Variants in AHI1 observed in about 807,000 individuals in gnomAD.
AHI1 encodes the protein Abelson helper integration site 1, also known as jouberin.
AHI1 carries 123 observed loss-of-function variants against 149.3 expected under a neutral mutation model. That is an observed-to-expected ratio of 0.82 (90% CI 0.71 to 0.96). The LOEUF is 0.96. Among genes scored for constraint, AHI1 ranks in the 40% least tolerant of loss-of-function variants. The probability of loss-of-function intolerance (pLI) is 0.00; values close to 1 mark genes in which losing one functional copy is unlikely to be tolerated. For missense variants in AHI1, 1,439 were observed against 1,422.7 expected, an observed-to-expected ratio of 1.01 and a Z score of -0.18; for synonymous variants, 475 against 459.8, an observed-to-expected ratio of 1.03 and a Z score of -0.42.
chr6:135,447,136 TCATAGAGC>T lies in AHI1; in HGVS notation c.1643_1650del (p.Arg548HisfsTer9). On this transcript the variant is annotated frameshift_variant, in exon 13 of 29. Transcript: ENST00000265602. LOFTEE classifies it high-confidence loss of function. ...TTACCTTTTTCCTCCTGAAGAGCCA[TCATAGAGC>T]GGTAAGATGGCTTTATCTAAATATG... 1 of 1,591,058 alleles carries T rather than the reference TCATAGAGC, an allele frequency of 6.3e-7. No homozygotes were observed. Among genetic ancestry groups the T allele is most frequent in the South Asian group, 1.2e-5 (1 of 84,878 alleles).
At chr6:135,396,839 A>C (rs1214994334) in intron 22 of AHI1, among the ~76,000 whole-genome samples, 3 of 151,728 alleles carry the variant, frequency 2.0e-5, no homozygotes, top group Non-Finnish European at 3.0e-5. Flanking sequence ...ACATATATCC[A>C]TATCTATAGA....
chr6:135,324,146 C>A (rs1467743235), intron 24 of AHI1, among the ~76,000 whole-genome samples: 2 of 152,006 alleles, frequency 1.3e-5, no homozygotes, highest in Non-Finnish European at 2.9e-5. Flanking sequence ...AAAGCCAGAC[C>A]TCCATCTCTA....
At chr6:135,489,895 C>CA (rs879147569) in intron 5 of AHI1, 19,580 of 143,010 alleles carry the variant, frequency 0.14, 13 homozygotes, top group Middle Eastern at 0.2. Flanking sequence ...AAACTCCTGC[C>CA]AAAAAAAAAA....
At chr6:135,363,494 C>T (rs1794256039) in intron 23 of AHI1, among the ~76,000 whole-genome samples, 1 of 152,200 alleles carries the variant, frequency 6.6e-6, no homozygotes, top group South Asian at 2.1e-4. Flanking sequence ...ATCTTTTCCC[C>T]ACCTTTCCCC....
At chr6:135,389,063 C>T (rs149306192) in intron 23 of AHI1, among the ~76,000 whole-genome samples, 22 of 151,962 alleles carry the variant, frequency 1.4e-4, no homozygotes, top group African/African-American at 5.1e-4. Flanking sequence ...GTAATCCCAG[C>T]ACTTTGGGAG....
chr6:135,408,278 C>T (rs1781088417), intron 21 of AHI1, among the ~76,000 whole-genome samples: 1 of 152,040 alleles, frequency 6.6e-6, no homozygotes, highest in African/African-American at 2.4e-5. Context: ...CTTTGCCATG[C>T]AAGTTTTTAG....
At chr6:135,378,799 T>C (rs987969475) in intron 23 of AHI1, among the ~76,000 whole-genome samples, 2 of 152,234 alleles carry the variant, frequency 1.3e-5, no homozygotes, top group African/African-American at 4.8e-5. Context: ...GTTATTACAA[T>C]GCAGAGTTAA....
rs373679700 is a variant in AHI1, at chr6:135,364,377, A to G, written c.3110-6190T>C. ...CTCCTCACTTCCTAGATGGGATGGC[A>G]GCCGGGCAGAGACGCTCCTCACTTT... On this transcript the variant is annotated intron_variant, in intron 23 of 28. Coordinates refer to ENST00000265602, the MANE Select transcript of AHI1 (RefSeq NM_001134831.2). 3.5e-4 allele frequency among the ~76,000 whole-genome samples: 50 copies of G among 144,546 alleles called. 1 individual carries two copies. Among genetic ancestry groups the G allele is most frequent in the African/African-American group, 1.2e-3 (48 of 38,432 alleles). 94.8% of individuals were successfully genotyped at this position (144,546 alleles called of 152,430 possible).
intron 24 of AHI1, among the ~76,000 whole-genome samples, chr6:135,340,096 G>T (rs899947349): frequency 6.6e-6 from 1 of 152,222 alleles, no homozygotes; most frequent in African/African-American, 2.4e-5. Context: ...AAGGGGCCAG[G>T]TGCCGTGGCT....
At chr6:135,471,751 G>A (rs919960681) in intron 5 of AHI1, among the ~76,000 whole-genome samples, 4 of 150,832 alleles carry the variant, frequency 2.7e-5, no homozygotes, top group Non-Finnish European at 5.9e-5. Context: ...GGTGGCTCAC[G>A]CCTGTAATCC....
intron 26 of AHI1, among the ~76,000 whole-genome samples, chr6:135,310,466 C>T (rs996178510): frequency 6.6e-6 from 1 of 152,092 alleles, no homozygotes; most frequent in African/African-American, 2.4e-5. Flanking sequence ...GTTCTCTGTT[C>T]TTGTTTTGAA....
intron 21 of AHI1, among the ~76,000 whole-genome samples, chr6:135,405,508 A>G (rs554653536): frequency 6.6e-6 from 1 of 152,272 alleles, no homozygotes; most frequent in Admixed American, 6.5e-5. Flanking sequence ...AAGAGAAACT[A>G]GTAAAAGTCG....
In AHI1 at chr6:135,285,564, T is replaced by C. The variant is rs1280704542; in HGVS notation, c.*81A>G. On this transcript the variant is annotated 3_prime_UTR_variant, in exon 29 of 29. Coordinates refer to ENST00000265602, the MANE Select transcript of AHI1 (RefSeq NM_001134831.2). ...CTTCCTCCTTAGTATCTGAAAATTC[T>C]GAACTCTGAAGAGAAATTCCATTTG... is the stretch of plus-strand genomic sequence containing the variant. 2.1e-6 allele frequency: 3 copies of C among 1,443,138 alleles called. No homozygotes were observed. In the African/African-American group the frequency reaches 4.2e-5, roughly 20 times the overall value. 89.4% of individuals were successfully genotyped at this position (1,443,138 alleles called of 1,614,324 possible).
chr6:135,317,246 G>A (rs1002127344), intron 26 of AHI1, among the ~76,000 whole-genome samples: 6 of 151,800 alleles, frequency 4.0e-5, no homozygotes, highest in South Asian at 2.1e-4. Context: ...CCTGAATTAC[G>A]TCCTTCAGGG....
chr6:135,326,793 C>T (rs906412685), intron 24 of AHI1, among the ~76,000 whole-genome samples: 1 of 152,056 alleles, frequency 6.6e-6, no homozygotes, highest in African/African-American at 2.4e-5. Flanking sequence ...CTCCTGACCT[C>T]AGGTGATCCG....
intron 2 of AHI1, among the ~76,000 whole-genome samples, chr6:135,496,919 C>G (rs925491926): frequency 6.6e-6 from 1 of 152,138 alleles, no homozygotes; most frequent in African/African-American, 2.4e-5. Context: ...AAAAATTTCC[C>G]AGAGTACTCA....
chr6:135,431,180 T>G (rs1243732098), intron 17 of AHI1, 28 bp downstream of exon 17: 2 of 1,435,300 alleles, frequency 1.4e-6, no homozygotes, highest in Non-Finnish European at 1.9e-6. Context: ...TTTAATTAAA[T>G]CCCAAAATAT....
chr6:135,379,986 C>T (rs868758045), intron 23 of AHI1, among the ~76,000 whole-genome samples: 176 of 106,602 alleles, frequency 1.7e-3, no homozygotes, highest in African/African-American at 5.6e-3. Context: ...TTCACCCTCT[C>T]CCTCCCTCCC....
At chr6:135,490,827 A>T in intron 4 of AHI1, 80 bp from the exon 5 acceptor site, 1 of 1,494,096 alleles carries the variant, frequency 6.7e-7, no homozygotes. Flanking sequence ...GTTAAGAAAT[A>T]AGTTCTTGTA....
Sources: gnomAD v4.1 joint callset for allele counts (sites outside exome capture counted in the v4.1 genomes callset) on GRCh38, gnomAD v4.1.1 for gene constraint, MANE v1.5 for transcripts, NCBI Gene and HGNC (gene_info 2026-07-23, HGNC 2026-07-21) for gene names.